VPS35L: variants seen among roughly 807,000 people sequenced by gnomAD.
The protein encoded by VPS35L is VPS35 endosomal protein-sorting factor-like.
VPS35L carries 83 observed loss-of-function variants against 133.0 expected under a neutral mutation model. That is an observed-to-expected ratio of 0.62 (90% confidence interval 0.52 to 0.75). The LOEUF is 0.75. Ranked by LOEUF, VPS35L falls within the 30% of genes least tolerant of loss-of-function variation. VPS35L has a pLI of 0.00. For missense variants in VPS35L, 1,083 were observed against 1,206.8 expected (o/e 0.90, Z 1.52); for synonymous variants, 423 against 449.9 (o/e 0.94, Z 0.76).
chr16:19,580,227 C>T (rs935190082), intron 6 of VPS35L, among the ~76,000 whole-genome samples: 1 of 151,768 alleles, frequency 6.6e-6, no homozygotes, highest in Non-Finnish European at 1.5e-5. Flanking sequence ...AATTCTCCTG[C>T]CTCAGCCTCC....
At chr16:19,588,065 G>T (rs1971927843) in intron 7 of VPS35L, among the ~76,000 whole-genome samples, 2 of 151,786 alleles carry the variant, frequency 1.3e-5, no homozygotes, top group South Asian at 4.2e-4. Context: ...CTCCCAAAGT[G>T]CTGGGATTAA....
Position 19,633,186 on chromosome 16 carries a change from A to T in VPS35L, c.1635+14A>T. On this transcript the variant is annotated intron_variant, in intron 19 of 30. Coordinates refer to ENST00000417362, the MANE Select transcript of VPS35L (RefSeq NM_020314.7). The surrounding 1 kb of genome is among the most constrained non-coding windows in gnomAD (Gnocchi z 4.1). Reference sequence around the variant, plus strand: ...TCCTACCCCCAGGTAACAGATTTGCATTTCTCATTTCAACATTGTTAGGAA... The same window carrying T: ...TCCTACCCCCAGGTAACAGATTTGCTTTTCTCATTTCAACATTGTTAGGAA... The T allele has an allele frequency of 6.2e-7, 1 of 1,610,752 alleles. No individual in the cohort carries two copies. The highest frequency in any genetic ancestry group is 1.1e-5 in the South Asian group (1 of 91,010).
chr16:19,700,593 T>A lies in VPS35L; in HGVS notation c.*117T>A. ...CTCATTTTTCTTTTCTTTTTACATA[T>A]GTACAAATTGTTTTAAGCTTTGGCC... On this transcript the variant is annotated 3_prime_UTR_variant, in exon 31 of 31. Transcript: ENST00000417362. 1.2e-6 allele frequency: 1 copy of A among 832,134 alleles called. No individual in the cohort carries two copies. 51.5% of individuals were successfully genotyped at this position (832,134 alleles called of 1,614,324 possible).
intron 7 of VPS35L, among the ~76,000 whole-genome samples, chr16:19,589,355 C>T (rs1232854340): frequency 6.6e-6 from 1 of 152,110 alleles, no homozygotes; most frequent in African/African-American, 2.4e-5. Flanking sequence ...GTGATTCTCC[C>T]ACCTCAGCCT....
intron 26 of VPS35L, 87 bp from the exon 27 acceptor site, chr16:19,669,073 A>C: frequency 7.1e-7 from 1 of 1,405,370 alleles, no homozygotes; most frequent in East Asian, 2.3e-5. Flanking sequence ...CCTAACTCTC[A>C]GGACTGGCCT....
chr16:19,562,252 A>G (rs1971052811), intron 1 of VPS35L, among the ~76,000 whole-genome samples: 1 of 152,108 alleles, frequency 6.6e-6, no homozygotes, highest in African/African-American at 2.4e-5. Context: ...TTTATAGCCA[A>G]GTGGGGGTAG....
chr16:19,612,911 T>C (rs1163305441), intron 12 of VPS35L, among the ~76,000 whole-genome samples: 3 of 152,208 alleles, frequency 2.0e-5, no homozygotes, highest in Non-Finnish European at 4.4e-5. Context: ...AGATTGGTAG[T>C]AGAGTGCCCT....
chr16:19,658,991 T>C (rs531269231), intron 26 of VPS35L, among the ~76,000 whole-genome samples: 19 of 152,302 alleles, frequency 1.2e-4, no homozygotes, highest in African/African-American at 4.3e-4. Context: ...TGAGTGGCCT[T>C]ATCTGGATTT....
intron 26 of VPS35L, among the ~76,000 whole-genome samples, chr16:19,668,919 T>G (rs1422317567): frequency 6.6e-6 from 1 of 152,232 alleles, no homozygotes; most frequent in Non-Finnish European, 1.5e-5. Flanking sequence ...TGCGACCTGC[T>G]TTTTTCACTT....
At chr16:19,605,381 G>A (rs226895) in intron 9 of VPS35L, among the ~76,000 whole-genome samples, 102,325 of 152,070 alleles carry the variant, frequency 0.67, 35,758 homozygotes, top group African/African-American at 0.86. Context: ...CCCAAGTGCT[G>A]AAGTCTAAAC....
chr16:19,682,423 G>A lies in VPS35L; in HGVS notation c.2527+33G>A, dbSNP rs142327578. 2.7e-3 allele frequency: 4,277 copies of A among 1,592,290 alleles called. 3 individuals are homozygous for A. Among genetic ancestry groups the A allele is most frequent in the Admixed American group, 5.6e-3 (315 of 56,474 alleles). The stretch of plus-strand genomic sequence containing the variant: ...AGCCTCCCCCACCAAACCATGCTCC[G>A]CATGGATTTCATGAAAGGCAGACAG... On this transcript the variant is annotated intron_variant, in intron 28 of 30. Transcript: ENST00000417362.
chr16:19,616,414 C>T (rs1250445813), intron 13 of VPS35L, among the ~76,000 whole-genome samples: 1 of 152,096 alleles, frequency 6.6e-6, no homozygotes, highest in Non-Finnish European at 1.5e-5. Context: ...CGTCTCCAGT[C>T]GATCAGCCTT....
At chr16:19,571,326 C>T (rs1281526808) in intron 3 of VPS35L, among the ~76,000 whole-genome samples, 3 of 152,088 alleles carry the variant, frequency 2.0e-5, no homozygotes, top group Non-Finnish European at 2.9e-5. Context: ...GAACAATCCC[C>T]CTGCCTCAGC....
chr16:19,664,258 T>A (rs1310817603), intron 26 of VPS35L, among the ~76,000 whole-genome samples: 1 of 152,086 alleles, frequency 6.6e-6, no homozygotes, highest in African/African-American at 2.4e-5. Context: ...GCTATGTTTA[T>A]GCAATTTTTC....
chr16:19,666,927 T>TCTTTCTTTCTTTCTTTCTTCCTTTCTTC (rs1974699235), intron 26 of VPS35L, among the ~76,000 whole-genome samples: 9 of 62,958 alleles, frequency 1.4e-4, no homozygotes, highest in South Asian at 6.0e-4. Flanking sequence ...TTTCTTTCTT[T>TCTTTCTTTCTTTCTTTCTTCCTTTCTTC]CTTTCTTCCT....
At chr16:19,561,027 C>T (rs974425896) in intron 1 of VPS35L, among the ~76,000 whole-genome samples, 3 of 151,482 alleles carry the variant, frequency 2.0e-5, no homozygotes, top group Non-Finnish European at 4.4e-5. Context: ...TAAATATGAC[C>T]CCAGAGGGAC....
At chr16:19,675,251 T>TC (rs1491318661) in intron 27 of VPS35L, among the ~76,000 whole-genome samples, 1 of 49,192 alleles carries the variant, frequency 2.0e-5, no homozygotes, top group African/African-American at 1.1e-4. Context: ...GCACCCAGTC[T>TC]TTTTTTTTTT....
rs1974148722 is a variant in VPS35L at position 19,652,089 on chromosome 16, A to G, written c.2220A>G (p.Gln740=). The G allele has an allele frequency of 6.4e-7, 1 of 1,568,892 alleles. No homozygotes were observed. The highest frequency in any genetic ancestry group is 1.4e-5 in the African/African-American group (1 of 73,938). The part of the protein sequence containing the change: ...QVALANQCLS[Q]ADAFFKAAIS... ...CCTTGGCCAACCAGTGCCTCTCCCA[A>G]GGTAAGTCCATCATTCTCTCATCTC... Residue 740 remains glutamine, a splice_region_variant and synonymous_variant, in exon 26 of 31, where the codon CAA becomes CAG. Transcript: ENST00000417362.
rs1976096620 is a variant in VPS35L, at chr16:19,700,574, TTTC to T, written c.*101_*103del. The T allele has an allele frequency of 9.8e-7, 1 of 1,019,582 alleles. No individual in the cohort carries two copies. Among genetic ancestry groups the T allele is most frequent in the African/African-American group, 1.6e-5 (1 of 61,894 alleles). 63.2% of individuals were successfully genotyped at this position (1,019,582 alleles called of 1,614,324 possible). On this transcript the variant is annotated 3_prime_UTR_variant, in exon 31 of 31. Transcript: ENST00000417362. ...CTTACGGCAATTTAGGTTTCTCATT[TTTC>T]TTTTCTTTTTACATATGTACAAATT...
Sources: allele counts gnomAD v4.1 joint callset (sites outside exome capture counted in the v4.1 genomes callset), GRCh38; gene constraint gnomAD v4.1.1; non-coding constraint Gnocchi (gnomAD v3.1); transcripts MANE v1.5; gene names NCBI Gene and HGNC (gene_info 2026-07-23, HGNC 2026-07-21).